The following PRDM5 variants were observed in gnomAD, a reference collection of about 807,000 sequenced individuals.
The protein encoded by PRDM5 is PR domain zinc finger protein 5.
PRDM5 carries 56 observed loss-of-function variants against 81.2 expected under a neutral mutation model. That is an observed-to-expected ratio of 0.69 (90% confidence interval 0.56 to 0.86). The LOEUF is 0.86. PRDM5 is among the 40% of genes least tolerant of loss of function. The pLI, the probability that PRDM5 is intolerant of heterozygous loss-of-function variation, is 0.00. For synonymous variants in PRDM5, 267 were observed against 256.4 expected (o/e 1.04, Z -0.39); for missense variants, 697 against 770.1 (o/e 0.91, Z 1.12).
chr4:120,826,286 C>A (rs1755968527), intron 3 of PRDM5, among the ~76,000 whole-genome samples: 1 of 152,162 alleles, frequency 6.6e-6, no homozygotes, highest in Non-Finnish European at 1.5e-5. Flanking sequence ...TGCAAAGATG[C>A]CACTTGGCCC....
rs567535331 is a variant in PRDM5 at position 120,694,388 on chromosome 4, T to C, written c.*723A>G. ...TGTGATGGTCATTTTTGTGTAGAAC[T>C]TATAAAAGTATTCCAGACCATGAAT... is the stretch of plus-strand genomic sequence containing the variant. On this transcript the variant is annotated 3_prime_UTR_variant, in exon 16 of 16. Coordinates refer to ENST00000264808, the MANE Select transcript of PRDM5 (RefSeq NM_018699.4). The C allele has an allele frequency of 1.9e-4, 29 of 152,284 alleles. No individual in the cohort carries two copies. Among genetic ancestry groups the C allele is most frequent in the Non-Finnish European group, 3.8e-4 (26 of 68,014 alleles). 9.4% of individuals were successfully genotyped at this position (152,284 alleles called of 1,614,324 possible). A position where few individuals can be genotyped will look rare whatever the true frequency, so the allele number is the denominator to read the frequency against.
chr4:120,904,227 T>G (rs1288400749), intron 2 of PRDM5, among the ~76,000 whole-genome samples: 1 of 111,206 alleles, frequency 9.0e-6, no homozygotes, highest in African/African-American at 3.7e-5. Flanking sequence ...CCTTCCTTTA[T>G]AAATTACTCA....
At chr4:120,826,720 C>T (rs2149359682) in intron 3 of PRDM5, among the ~76,000 whole-genome samples, 1 of 152,222 alleles carries the variant, frequency 6.6e-6, no homozygotes, top group Non-Finnish European at 1.5e-5. Context: ...ATAGTGGTGA[C>T]TCGATGAGGA....
intron 7 of PRDM5, chr4:120,812,779 T>C (rs1393770919): frequency 2.4e-6 from 1 of 415,882 alleles, no homozygotes; most frequent in Non-Finnish European, 4.7e-6. Context: ...CTTTCTCATA[T>C]ATAAAACAGG....
intron 13 of PRDM5, among the ~76,000 whole-genome samples, chr4:120,757,871 T>C (rs1007350543): frequency 2.0e-5 from 3 of 148,190 alleles, no homozygotes; most frequent in Non-Finnish European, 4.4e-5. Flanking sequence ...TTCTTCTTCT[T>C]TCTCTTCTCT....
At chr4:120,748,746 T>C (rs770362693) in intron 14 of PRDM5, among the ~76,000 whole-genome samples, 44 of 151,390 alleles carry the variant, frequency 2.9e-4, no homozygotes, top group Non-Finnish European at 5.3e-4. Flanking sequence ...CAGGAAAAGG[T>C]AGATCTAGAA....
At chr4:120,841,702 C>T (rs757899086) in intron 3 of PRDM5, among the ~76,000 whole-genome samples, 18 of 152,106 alleles carry the variant, frequency 1.2e-4, no homozygotes, top group Admixed American at 5.2e-4. Flanking sequence ...TTTAACACTT[C>T]AAAAATACAC....
At chr4:120,755,902 C>T (rs2149159615) in intron 13 of PRDM5, among the ~76,000 whole-genome samples, 1 of 152,168 alleles carries the variant, frequency 6.6e-6, no homozygotes, top group East Asian at 1.9e-4. Flanking sequence ...CAGGATTCTC[C>T]CTTTGGACCA....
chr4:120,913,637 C>T (rs1766762773), intron 1 of PRDM5, among the ~76,000 whole-genome samples: 1 of 152,172 alleles, frequency 6.6e-6, no homozygotes, highest in African/African-American at 2.4e-5. Flanking sequence ...TGTTACTTTC[C>T]TCTCTTGAGC....
intron 1 of PRDM5, among the ~76,000 whole-genome samples, chr4:120,913,158 C>A (rs1169872951): frequency 1.3e-5 from 2 of 152,220 alleles, no homozygotes; most frequent in African/African-American, 4.8e-5. Flanking sequence ...AGGGAGCAAA[C>A]AACCTGTGAG....
chr4:120,688,525 G>A (rs1236995365), downstream of PRDM5, among the ~76,000 whole-genome samples: 2 of 151,938 alleles, frequency 1.3e-5, no homozygotes, highest in South Asian at 2.1e-4. Context: ...CTTTGCTTTT[G>A]GTGTCCTATC....
At chr4:120,757,774 T>G (rs1744984032) in intron 13 of PRDM5, among the ~76,000 whole-genome samples, 1 of 151,922 alleles carries the variant, frequency 6.6e-6, no homozygotes, top group Non-Finnish European at 1.5e-5. Flanking sequence ...TCTTTCTTCT[T>G]CTTCTTCTCC....
rs147897390 is a variant in PRDM5 at position 120,730,274 on chromosome 4, T to A, written c.1624-19861A>T. Among the ~76,000 whole-genome samples, 196 of 152,302 alleles carry A rather than the reference T, an allele frequency of 1.3e-3. 1 individual carries two copies. The highest frequency in any genetic ancestry group is 4.1e-3 in the African/African-American group (169 of 41,560). On this transcript the variant is annotated intron_variant, in intron 14 of 15. Coordinates refer to ENST00000264808, the MANE Select transcript of PRDM5 (RefSeq NM_018699.4). ...GCTTATCTTAATGGTTGGCACATAA[T>A]ATGAACACAATAAGGATATTTTACG...
intron 2 of PRDM5, chr4:120,885,710 C>A (rs1245076110): frequency 6.6e-6 from 1 of 151,924 alleles, no homozygotes; most frequent in African/African-American, 2.4e-5. Context: ...AGGAGAATTG[C>A]TTGAATCCAG....
chr4:120,898,411 C>T lies in PRDM5; in HGVS notation c.177+9063G>A, dbSNP rs143974500. Among the ~76,000 whole-genome samples, 948 of 152,316 alleles carry T rather than the reference C, an allele frequency of 6.2e-3. 6 individuals carry two copies. Among genetic ancestry groups the T allele is most frequent in the African/African-American group, 0.021 (890 of 41,572 alleles). On this transcript the variant is annotated intron_variant, in intron 2 of 15. Coordinates refer to ENST00000264808, the MANE Select transcript of PRDM5 (RefSeq NM_018699.4). ...GGGTCTCCAATATTGTTGCTTCACA[C>T]GACAAGATTTCCAAAAGCTCTACCT...
chr4:120,744,354 C>T (rs1217612267), intron 14 of PRDM5, among the ~76,000 whole-genome samples: 1 of 152,128 alleles, frequency 6.6e-6, no homozygotes, highest in Non-Finnish European at 1.5e-5. Flanking sequence ...GACACCCTAA[C>T]ATCACAATTA....
chr4:120,705,836 G>A (rs1736027802), intron 15 of PRDM5, among the ~76,000 whole-genome samples: 1 of 152,186 alleles, frequency 6.6e-6, no homozygotes, highest in African/African-American at 2.4e-5. Flanking sequence ...AATATTCCAG[G>A]AGACTGAGAT....
At chr4:120,835,596 T>A (rs1273590979) in intron 3 of PRDM5, among the ~76,000 whole-genome samples, 1 of 152,174 alleles carries the variant, frequency 6.6e-6, no homozygotes, top group Non-Finnish European at 1.5e-5. Context: ...ACAACCTCTC[T>A]CTCTTTGCCT....
intron 2 of PRDM5, among the ~76,000 whole-genome samples, chr4:120,876,362 T>C (rs561747854): frequency 1.3e-5 from 2 of 152,326 alleles, no homozygotes; most frequent in South Asian, 4.1e-4. Context: ...TATTCATCAT[T>C]CTTAATCATT....
Sources: allele counts gnomAD v4.1 joint callset (sites outside exome capture counted in the v4.1 genomes callset), GRCh38; gene constraint gnomAD v4.1.1; transcripts MANE v1.5; gene names NCBI Gene and HGNC (gene_info 2026-07-23, HGNC 2026-07-21).